UBTD1: variants seen among roughly 807,000 people sequenced by gnomAD.
UBTD1 encodes ubiquitin domain containing 1.
In UBTD1, 19 loss-of-function variants were observed where a neutral mutation model predicts 21.7. The ratio of observed to expected loss-of-function variants is 0.87; its 90% confidence interval spans 0.61 to 1.28. The LOEUF (loss-of-function observed/expected upper bound fraction) is 1.28, where lower values mean the gene tolerates loss of function less well. Ranked by LOEUF, UBTD1 falls within the 50% of genes most tolerant of loss-of-function variation. The pLI is 0.00. For missense variants in UBTD1, 282 were observed against 315.1 expected, an observed-to-expected ratio of 0.89 and a Z score of 0.80; for synonymous variants, 116 against 135.1, an observed-to-expected ratio of 0.86 and a Z score of 0.98.
intron 1 of UBTD1, among the ~76,000 whole-genome samples, chr10:97,523,033 T>G (rs2040472946): frequency 6.6e-6 from 1 of 152,222 alleles, no homozygotes; most frequent in South Asian, 2.1e-4. Flanking sequence ...GACCTTAAGA[T>G]TTAGTGTCCT....
At chr10:97,566,073 A>T (rs1349477482) in intron 1 of UBTD1, among the ~76,000 whole-genome samples, 1 of 152,138 alleles carries the variant, frequency 6.6e-6, no homozygotes, top group Non-Finnish European at 1.5e-5. Context: ...GGTTATACCT[A>T]CTATGTACCC....
chr10:97,570,133 T>C lies in UBTD1; in HGVS notation c.299-5T>C, dbSNP rs2135691192. 1 of 1,597,986 alleles carries C rather than the reference T, an allele frequency of 6.3e-7. No homozygotes were observed. Among genetic ancestry groups the C allele is most frequent in the Non-Finnish European group, 8.6e-7 (1 of 1,168,802 alleles). ...CTGACTCTGACAGCCCTGCCTCTCC[T>C]ACAGGCACCCTCTGTGAATGCTACG... On this transcript the variant is annotated splice_region_variant and splice_polypyrimidine_tract_variant and intron_variant, in intron 2 of 2. Coordinates refer to ENST00000370664, the MANE Select transcript of UBTD1 (RefSeq NM_024954.5). This position sits in a 1 kb window ranked among gnomAD's most constrained non-coding sequence, Gnocchi z 6.6.
At chr10:97,554,794 T>G (rs1389542285) in intron 1 of UBTD1, among the ~76,000 whole-genome samples, 1 of 152,162 alleles carries the variant, frequency 6.6e-6, no homozygotes, top group Non-Finnish European at 1.5e-5. Context: ...CCTTAAGTGA[T>G]CCTTCCACCT....
At chr10:97,516,497 C>T (rs573546682) in intron 1 of UBTD1, among the ~76,000 whole-genome samples, 15 of 152,294 alleles carry the variant, frequency 9.8e-5, no homozygotes, top group Admixed American at 5.2e-4. Flanking sequence ...TCTCCTCGGC[C>T]GGGCACGGTG....
chr10:97,570,362 A>G lies in UBTD1; in HGVS notation c.523A>G (p.Lys175Glu). ...ASLPDTVGQLKRQLHAQEGIE... is the reference protein window; with the variant it reads ...ASLPDTVGQLERQLHAQEGIE... ...CCTGCCCGACACAGTGGGGCAGCTC[A>G]AGAGGCAGCTGCACGCCCAGGAGGG... Residue 175 changes from lysine to glutamate, a missense_variant, in exon 3 of 3, where the codon AAG becomes GAG. Coordinates refer to ENST00000370664, the MANE Select transcript of UBTD1 (RefSeq NM_024954.5). This position sits in a 1 kb window ranked among gnomAD's most constrained non-coding sequence, Gnocchi z 6.6. 6.2e-7 allele frequency: 1 copy of G among 1,613,300 alleles called. No individual in the cohort carries two copies. The highest frequency in any genetic ancestry group is 8.5e-7 in the Non-Finnish European group (1 of 1,179,978).
At chr10:97,531,723 G>A (rs2040533080) in intron 1 of UBTD1, among the ~76,000 whole-genome samples, 1 of 152,128 alleles carries the variant, frequency 6.6e-6, no homozygotes, top group African/African-American at 2.4e-5. Context: ...GGCCCTTTCT[G>A]AGCACCAGCA....
intron 1 of UBTD1, among the ~76,000 whole-genome samples, chr10:97,508,721 C>T (rs1176517242): frequency 6.6e-6 from 1 of 152,096 alleles, no homozygotes; most frequent in Non-Finnish European, 1.5e-5. Context: ...CCACCACCTC[C>T]ACACCTAGAA....
intron 1 of UBTD1, among the ~76,000 whole-genome samples, chr10:97,547,905 A>G (rs2040618845): frequency 6.6e-6 from 1 of 152,182 alleles, no homozygotes; most frequent in African/African-American, 2.4e-5. Context: ...CTTTATGAAA[A>G]AAAAAAAAAG....
chr10:97,560,019 ACT>A (rs2040685054), intron 1 of UBTD1, among the ~76,000 whole-genome samples: 1 of 152,058 alleles, frequency 6.6e-6, no homozygotes, highest in African/African-American at 2.4e-5. Context: ...AGGCCTTATT[ACT>A]TTTAAATTAT....
At chr10:97,518,696 G>A (rs1416544455) in intron 1 of UBTD1, among the ~76,000 whole-genome samples, 8 of 152,212 alleles carry the variant, frequency 5.3e-5, no homozygotes, top group Non-Finnish European at 1.2e-4. Flanking sequence ...TCTTGTCGTT[G>A]ACTGGAGAGT....
intron 1 of UBTD1, among the ~76,000 whole-genome samples, chr10:97,505,473 A>G (rs2040394401): frequency 6.6e-6 from 1 of 152,180 alleles, no homozygotes; most frequent in African/African-American, 2.4e-5. Context: ...TCCTCAGTTG[A>G]TCCCCCGTTT....
chr10:97,570,502 G>A lies in UBTD1; in HGVS notation c.663G>A (p.Gln221=). Reference sequence around the variant, plus strand: ...TTGTCATCCAGGTCATCATCAACCAGCCCCCACCACCCCAGGACTGATGGG... The same window carrying A: ...TTGTCATCCAGGTCATCATCAACCAACCCCCACCACCCCAGGACTGATGGG... ...KDFVIQVIIN[Q]PPPPQD is the part of the protein sequence containing the mutation. Residue 221 remains glutamine, a synonymous_variant, in exon 3 of 3, where the codon CAG becomes CAA. Coordinates refer to ENST00000370664, the MANE Select transcript of UBTD1 (RefSeq NM_024954.5). This position sits in a 1 kb window ranked among gnomAD's most constrained non-coding sequence, Gnocchi z 6.6. The A allele has an allele frequency of 7.5e-6, 12 of 1,608,420 alleles. No homozygotes were observed. Among genetic ancestry groups the A allele is most frequent in the Non-Finnish European group, 1.0e-5 (12 of 1,176,604 alleles).
chr10:97,566,501 A>G (rs1033374910), intron 1 of UBTD1, among the ~76,000 whole-genome samples: 16 of 152,192 alleles, frequency 1.1e-4, no homozygotes, highest in Non-Finnish European at 2.9e-5. Flanking sequence ...GTCAGACCTG[A>G]GGTGGAACCC....
chr10:97,509,378 G>A (rs919849705), intron 1 of UBTD1, among the ~76,000 whole-genome samples: 23 of 152,250 alleles, frequency 1.5e-4, no homozygotes, highest in African/African-American at 5.5e-4. Context: ...AGTGAAGCGT[G>A]AAATGTGATC....
Position 97,570,910 on chromosome 10 carries a change from C to T in UBTD1, c.*387C>T, listed in dbSNP as rs189779553. 2.0e-4 allele frequency: 40 copies of T among 198,140 alleles called. No homozygotes were observed. The highest frequency in any genetic ancestry group is 1.5e-3 in the Admixed American group (28 of 19,162). 12.3% of individuals were successfully genotyped at this position (198,140 alleles called of 1,614,324 possible). ...AGCTGCTGTCTCCCTCCTCTGCCCC[C>T]ATCCCCTGGCTCTCCCCTGGGCACA... On this transcript the variant is annotated 3_prime_UTR_variant, in exon 3 of 3. Transcript: ENST00000370664. This position sits in a 1 kb window ranked among gnomAD's most constrained non-coding sequence, Gnocchi z 6.6.
intron 1 of UBTD1, among the ~76,000 whole-genome samples, chr10:97,555,254 A>G (rs928189248): frequency 6.6e-6 from 1 of 152,260 alleles, no homozygotes; most frequent in African/African-American, 2.4e-5. Context: ...AAAGGAGTCC[A>G]GAAATCATGA....
chr10:97,557,872 T>C (rs1428411266), intron 1 of UBTD1, among the ~76,000 whole-genome samples: 1 of 152,182 alleles, frequency 6.6e-6, no homozygotes, highest in African/African-American at 2.4e-5. Context: ...CTTATAATAA[T>C]CATAAAATAA....
At chr10:97,538,115 C>T (rs2040571694) in intron 1 of UBTD1, among the ~76,000 whole-genome samples, 1 of 152,118 alleles carries the variant, frequency 6.6e-6, no homozygotes, top group African/African-American at 2.4e-5. Flanking sequence ...CACCAGCCAC[C>T]ATGCTCAGCC....
At chr10:97,502,045 C>A (rs1347022090) in intron 1 of UBTD1, among the ~76,000 whole-genome samples, 2 of 152,170 alleles carry the variant, frequency 1.3e-5, no homozygotes, top group African/African-American at 4.8e-5. Context: ...TCTGTCTTAT[C>A]CTTGTAGTAT....
Sources: gnomAD v4.1 joint callset for allele counts (sites outside exome capture counted in the v4.1 genomes callset) on GRCh38, gnomAD v4.1.1 for gene constraint, Gnocchi (gnomAD v3.1) non-coding constraint, MANE v1.5 for transcripts, NCBI Gene and HGNC (gene_info 2026-07-23, HGNC 2026-07-21) for gene names.